MYO10: variants seen among roughly 807,000 people sequenced by gnomAD.
MYO10 encodes the protein unconventional myosin-X.
MYO10 carries 133 observed loss-of-function variants against 257.3 expected under a neutral mutation model. The ratio of observed to expected loss-of-function variants is 0.52; its 90% CI spans 0.45 to 0.60. The LOEUF is 0.60. MYO10 is among the 20% of genes least tolerant of loss of function. The probability of loss-of-function intolerance (pLI) is 0.00; values close to 1 mark genes in which losing one functional copy is unlikely to be tolerated. For missense variants in MYO10, 2,399 were observed against 2,635.7 expected (o/e 0.91, Z 1.97); for synonymous variants, 1,104 against 1,028.6 (o/e 1.07, Z -1.40).
In MYO10 at chr5:16,775,261, C is replaced by T. The variant is rs139889831; in HGVS notation, c.930+4284G>A. 2.6e-5 allele frequency among the ~76,000 whole-genome samples: 4 copies of T among 152,258 alleles called. No individual in the cohort carries two copies. In the East Asian group the frequency reaches 5.8e-4, roughly 22 times the overall value. On this transcript the variant is annotated intron_variant, in intron 9 of 40. Transcript: ENST00000513610. The stretch of plus-strand genomic sequence containing the variant: ...GCCTCTGCCCCAGGAAAAACCAAGA[C>T]GCTCCTAAAACTGTTCAGAATACCT...
At chr5:16,855,046 A>C (rs1275207024) in intron 2 of MYO10, among the ~76,000 whole-genome samples, 1 of 151,014 alleles carries the variant, frequency 6.6e-6, no homozygotes, top group Non-Finnish European at 1.5e-5. Flanking sequence ...AAAAAAAACC[A>C]AAAAAACTGT....
chr5:16,681,406 G>A lies in MYO10; in HGVS notation c.4287C>T (p.Tyr1429=). The A allele has an allele frequency of 6.2e-7, 1 of 1,613,978 alleles. No homozygotes were observed. Among genetic ancestry groups the A allele is most frequent in the Non-Finnish European group, 8.5e-7 (1 of 1,179,886 alleles). Residue 1429 remains tyrosine, a synonymous_variant, in exon 32 of 41, where the codon TAC becomes TAT. Coordinates refer to ENST00000513610, the MANE Select transcript of MYO10 (RefSeq NM_012334.3). Reference sequence around the variant, plus strand: ...TGAGCGCGTTCTTCTCTGAACTCTTGTAGTAATCCAGGGAATTGTGGGTGA... The same window carrying A: ...TGAGCGCGTTCTTCTCTGAACTCTTATAGTAATCCAGGGAATTGTGGGTGA... ...FVLTHNSLDY[Y]KSSEKNALKL...
intron 16 of MYO10, 50 bp from the exon 17 acceptor site, chr5:16,761,596 AG>A: frequency 7.3e-7 from 1 of 1,370,522 alleles, no homozygotes; most frequent in Non-Finnish European, 1.0e-6. Flanking sequence ...GAATAGTTTC[AG>A]GTCATAAGCA....
chr5:16,767,356 C>T (rs6554945), intron 10 of MYO10, among the ~76,000 whole-genome samples: 11 of 151,114 alleles, frequency 7.3e-5, no homozygotes, highest in Admixed American at 2.0e-4. Context: ...TTTTTAGTAG[C>T]GACGGGTTTC....
intron 3 of MYO10, among the ~76,000 whole-genome samples, chr5:16,808,706 C>G (rs1742345810): frequency 6.6e-6 from 1 of 152,122 alleles, no homozygotes; most frequent in African/African-American, 2.4e-5. Flanking sequence ...CAGTCTCACT[C>G]TATTGCATAG....
At chr5:16,708,016 G>A (rs929742362) in intron 21 of MYO10, among the ~76,000 whole-genome samples, 1 of 152,182 alleles carries the variant, frequency 6.6e-6, no homozygotes, top group Admixed American at 6.5e-5. Flanking sequence ...CCTTCTGGTG[G>A]CAACACACCA....
At chr5:16,749,312 A>T (rs2126638890) in intron 19 of MYO10, among the ~76,000 whole-genome samples, 1 of 151,932 alleles carries the variant, frequency 6.6e-6, no homozygotes, top group Non-Finnish European at 1.5e-5. Context: ...CATGGTGAAA[A>T]GCCATCTCTA....
intron 3 of MYO10, among the ~76,000 whole-genome samples, chr5:16,805,864 G>A (rs1257111760): frequency 6.6e-6 from 1 of 152,206 alleles, no homozygotes. Context: ...AAAAATGTTG[G>A]AGAAGCTCAC....
intron 3 of MYO10, among the ~76,000 whole-genome samples, chr5:16,810,109 A>T (rs539858598): frequency 2.4e-4 from 36 of 152,172 alleles, no homozygotes; most frequent in Non-Finnish European, 5.0e-4. Context: ...TGCAACAGAA[A>T]CCTCTCCTGC....
intron 1 of MYO10, among the ~76,000 whole-genome samples, chr5:16,898,255 TA>T (rs5866216): frequency 6.6e-6 from 1 of 151,374 alleles, no homozygotes; most frequent in Non-Finnish European, 1.5e-5. Context: ...ATAATCACAT[TA>T]AAAAAAACTA....
At chr5:16,831,242 G>C (rs1403543219) in intron 2 of MYO10, among the ~76,000 whole-genome samples, 2 of 152,200 alleles carry the variant, frequency 1.3e-5, no homozygotes, top group African/African-American at 4.8e-5. Flanking sequence ...TGGATGCGGT[G>C]AACAGGGAAC....
chr5:16,697,043 T>A (rs892095436), intron 26 of MYO10, among the ~76,000 whole-genome samples: 2 of 152,208 alleles, frequency 1.3e-5, no homozygotes, highest in African/African-American at 4.8e-5. Flanking sequence ...AGGTTCTGAT[T>A]TGCAATGACA....
In MYO10 at chr5:16,763,381, G is replaced by A. The variant is rs1034020354; in HGVS notation, c.1494+100C>T. On this transcript the variant is annotated intron_variant, in intron 14 of 40. Transcript: ENST00000513610. ...CCATTGTGTTCTAAACATTCACATC[G>A]TTGATGTGCGTGTTCGTGCACGTTA... The A allele has an allele frequency of 1.1e-4, 94 of 886,920 alleles. No homozygotes were observed. The African/African-American group carries it at 1.4e-3, about 13-fold the overall frequency. 54.9% of individuals were successfully genotyped at this position (886,920 alleles called of 1,614,324 possible).
At chr5:16,738,273 G>A in intron 19 of MYO10, 1 of 985,450 alleles carries the variant, frequency 1.0e-6, no homozygotes, top group African/African-American at 1.7e-5. Context: ...GAGGTGTCAG[G>A]AAGGAGGGGT....
At chr5:16,878,997 AG>A (rs1744688161) in intron 1 of MYO10, among the ~76,000 whole-genome samples, 1 of 151,104 alleles carries the variant, frequency 6.6e-6, no homozygotes, top group Non-Finnish European at 1.5e-5. Context: ...AAAAAAAAAA[AG>A]AAAAAAAAAG....
At chr5:16,687,432 C>T (rs957287568) in intron 28 of MYO10, among the ~76,000 whole-genome samples, 1 of 151,230 alleles carries the variant, frequency 6.6e-6, no homozygotes, top group African/African-American at 2.4e-5. Context: ...CTAGCATTTA[C>T]TGACCAACTA....
intron 19 of MYO10, among the ~76,000 whole-genome samples, chr5:16,731,086 C>T (rs1739564873): frequency 6.6e-6 from 1 of 150,932 alleles, no homozygotes; most frequent in Admixed American, 6.6e-5. Flanking sequence ...CGCTCTGTCG[C>T]CCAGGCTGGA....
chr5:16,866,653 A>G (rs1744259964), intron 2 of MYO10, among the ~76,000 whole-genome samples: 1 of 152,152 alleles, frequency 6.6e-6, no homozygotes, highest in African/African-American at 2.4e-5. Flanking sequence ...AAGGGGTAAG[A>G]TGTCTCCACT....
rs1449875888 is a variant in MYO10, at chr5:16,673,857, T to G, written c.4997A>C (p.Glu1666Ala). 3 of 1,613,978 alleles carry G rather than the reference T, an allele frequency of 1.9e-6. No individual in the cohort carries two copies. The highest frequency in any genetic ancestry group is 2.5e-6 in the Non-Finnish European group (3 of 1,179,878). The part of the protein sequence containing the change: ...IREQFPGSEM[E>A]KYALFTYESL... ...TTCGTAAGTGAAGAGAGCGTATTTT[T>G]CCATCTCGCTTCCTGGAAACTGTTC... is the stretch of plus-strand genomic sequence containing the variant. The change falls in exon 36 of 41, where the codon GAA (glutamate) becomes GCA (alanine). Residue 1666 changes from glutamate (E) to alanine (A), a missense_variant. By Grantham distance (107) the Glu-to-Ala change is moderately radical (BLOSUM62 -1). Coordinates refer to ENST00000513610, the MANE Select transcript of MYO10 (RefSeq NM_012334.3).
Sources: allele counts gnomAD v4.1 joint callset (sites outside exome capture counted in the v4.1 genomes callset), GRCh38; gene constraint gnomAD v4.1.1; transcripts MANE v1.5; gene names NCBI Gene and HGNC (gene_info 2026-07-23, HGNC 2026-07-21).